PRPF4: variants seen among roughly 807,000 people sequenced by gnomAD.
PRPF4 encodes U4/U6 small nuclear ribonucleoprotein Prp4.
Under a neutral mutation model 72.2 loss-of-function variants are expected in PRPF4, and 14 were observed. The observed-to-expected ratio is 0.19, with a 90% CI of 0.13 to 0.30. PRPF4 has a LOEUF of 0.30. Ranked by LOEUF, PRPF4 falls within the 10% of genes least tolerant of loss-of-function variation. The pLI is 1.00. For synonymous variants in PRPF4, 225 were observed against 232.2 expected (o/e 0.97, Z 0.28); for missense variants, 478 against 653.9 (o/e 0.73, Z 2.93).
In PRPF4 at chr9:113,291,577, A is replaced by G. The variant is rs1832609549; in HGVS notation, c.1483A>G (p.Met495Val). The G allele has an allele frequency of 6.2e-7, 1 of 1,614,018 alleles. No homozygotes were observed. Among genetic ancestry groups the G allele is most frequent in the East Asian group, 2.2e-5 (1 of 44,876 alleles). The change falls in exon 14 of 14, where the codon ATG becomes GTG. Residue 495 changes from methionine (M) to valine (V), a missense_variant. Transcript: ENST00000374198. ...KTLAGHEGKV[M>V]GLDISSDGQL... The stretch of plus-strand genomic sequence containing the variant: ...TCTGGCTGGCCACGAAGGCAAAGTG[A>G]TGGGCCTAGATATTTCTTCCGATGG...
intron 7 of PRPF4, 103 bp downstream of exon 7, chr9:113,284,492 G>C (rs1832377750): frequency 1.1e-6 from 1 of 943,860 alleles, no homozygotes; most frequent in Non-Finnish European, 1.7e-6. Flanking sequence ...CTCTTTCTCT[G>C]CTTCTCATGA....
Position 113,290,176 on chromosome 9 carries a change from C to T in PRPF4, c.1023-290C>T, listed in dbSNP as rs142786724. Among the ~76,000 whole-genome samples, 131 of 151,722 alleles carry T rather than the reference C, an allele frequency of 8.6e-4. 2 individuals are homozygous for T. The East Asian group carries it at 0.018, about 21-fold the overall frequency. Reference sequence around the variant, plus strand: ...TGGAGGTTGCAGTGAGCCAAGATTGCGCCACTGTGCTCCAGGCTGGGCAAC... The same window carrying T: ...TGGAGGTTGCAGTGAGCCAAGATTGTGCCACTGTGCTCCAGGCTGGGCAAC... On this transcript the variant is annotated intron_variant, in intron 10 of 13. Coordinates refer to ENST00000374198, the MANE Select transcript of PRPF4 (RefSeq NM_001244926.2).
At chr9:113,288,460 G>T in intron 10 of PRPF4, among the ~76,000 whole-genome samples, 196 bp downstream of exon 10, 1 of 149,234 alleles carries the variant, frequency 6.7e-6, no homozygotes, top group African/African-American at 2.5e-5. Flanking sequence ...TTTTTGAGGT[G>T]GAGTCTCACT....
At chr9:113,284,661 A>G (rs1439255622) in intron 7 of PRPF4, among the ~76,000 whole-genome samples, 1 of 152,210 alleles carries the variant, frequency 6.6e-6, no homozygotes, top group Non-Finnish European at 1.5e-5. Context: ...CAGGTCCTGT[A>G]GTGAGTTTAT....
chr9:113,291,864 AAAATTTAT>A lies in PRPF4; in HGVS notation c.*205_*212del. ...TGATGGGGAACCCCTCTCACGGTTG[AAAATTTAT>A]TACCTTTTTACGCCCTGCCACGAAC... is the stretch of plus-strand genomic sequence containing the variant. On this transcript the variant is annotated 3_prime_UTR_variant, in exon 14 of 14. Coordinates refer to ENST00000374198, the MANE Select transcript of PRPF4 (RefSeq NM_001244926.2). 1.8e-6 allele frequency: 1 copy of A among 544,988 alleles called. No homozygotes were observed. Among genetic ancestry groups the A allele is most frequent in the Non-Finnish European group, 3.2e-6 (1 of 308,874 alleles). The allele number at this position is 544,988 out of a possible 1,614,324, so 33.8% of individuals were successfully genotyped here.
Position 113,291,698 on chromosome 9 carries a change from C to CT in PRPF4, c.*39dup. 6.3e-7 allele frequency: 1 copy of CT among 1,589,422 alleles called. No individual in the cohort carries two copies. Among genetic ancestry groups the CT allele is most frequent in the Non-Finnish European group, 8.6e-7 (1 of 1,160,224 alleles). On this transcript the variant is annotated 3_prime_UTR_variant, in exon 14 of 14. Transcript: ENST00000374198. Reference sequence around the variant, plus strand: ...AAAGGACTTGAACCTCAAGCTCTCTCTAAGGAGCTGTTTTCCTCAAACGAG... The same window carrying CT: ...AAAGGACTTGAACCTCAAGCTCTCTCTTAAGGAGCTGTTTTCCTCAAACGAG...
intron 2 of PRPF4, among the ~76,000 whole-genome samples, chr9:113,276,941 A>G (rs1418932284): frequency 6.6e-6 from 1 of 151,700 alleles, no homozygotes. Flanking sequence ...CAGCCTCCCG[A>G]GTAGCTGGGA....
intron 11 of PRPF4, 52 bp from the exon 12 acceptor site, chr9:113,290,648 G>C: frequency 6.2e-7 from 1 of 1,614,074 alleles, no homozygotes; most frequent in South Asian, 1.1e-5. Flanking sequence ...ACCTATACCT[G>C]CTTCCACAGA....
rs777922336 is a variant in PRPF4 at position 113,291,507 on chromosome 9, C to T, written c.1413C>T (p.Asn471=). The change falls in exon 14 of 14, where the codon AAC becomes AAT. Residue 471 remains asparagine, a synonymous_variant. Transcript: ENST00000374198. ...GNFLLTGAYD[N]TAKIWTHPGW... The stretch of plus-strand genomic sequence containing the variant: ...TCTTGCTTACTGGTGCCTATGATAA[C>T]ACAGCCAAGATCTGGACGCACCCAG... The T allele has an allele frequency of 4.3e-6, 7 of 1,614,002 alleles. No homozygotes were observed. Among genetic ancestry groups the T allele is most frequent in the Non-Finnish European group, 5.9e-6 (7 of 1,180,020 alleles).
intron 7 of PRPF4, 56 bp downstream of exon 7, chr9:113,284,445 A>G (rs1307074632): frequency 3.5e-6 from 5 of 1,436,346 alleles, no homozygotes; most frequent in Non-Finnish European, 2.0e-6. Context: ...GCTCAGGAAG[A>G]AAATTAGCAT....
Position 113,282,625 on chromosome 9 carries a change from CTTTT to C in PRPF4, c.393-9_393-6del. 8 of 1,256,776 alleles carry C rather than the reference CTTTT, an allele frequency of 6.4e-6. No individual in the cohort carries two copies. Among genetic ancestry groups the C allele is most frequent in the African/African-American group, 1.6e-5 (1 of 64,376 alleles). 77.9% of individuals were successfully genotyped at this position (1,256,776 alleles called of 1,614,324 possible). ...ATCTCAACCATGTTTAAATTCTGAT[CTTTT>C]TTTTTTTTTTTAACAGGTTAAGAAA... On this transcript the variant is annotated splice_polypyrimidine_tract_variant and intron_variant, in intron 3 of 13. Transcript: ENST00000374198.
intron 3 of PRPF4, 21 bp from the exon 4 acceptor site, chr9:113,282,625 C>CTTTTT: frequency 7.2e-6 from 9 of 1,257,008 alleles, no homozygotes; most frequent in South Asian, 2.7e-5. Flanking sequence ...AAATTCTGAT[C>CTTTTT]TTTTTTTTTT....
In PRPF4 at chr9:113,275,686, G is replaced by T. The variant is rs1489866789; in HGVS notation, c.-58G>T. On this transcript the variant is annotated 5_prime_UTR_variant, in exon 1 of 14. Coordinates refer to ENST00000374198, the MANE Select transcript of PRPF4 (RefSeq NM_001244926.2). The stretch of plus-strand genomic sequence containing the variant: ...CTTCCCCTCTGCTGGGCGCGCGGTG[G>T]ACGGTCTGAAAGGGAGTGTTCGGGT... The T allele has an allele frequency of 5.7e-6, 9 of 1,575,168 alleles. No homozygotes were observed. The highest frequency in any genetic ancestry group is 7.8e-6 in the Non-Finnish European group (9 of 1,160,362).
chr9:113,286,930 G>C (rs550469458), intron 9 of PRPF4, 102 bp downstream of exon 9: 161 of 1,536,416 alleles, frequency 1.0e-4, no homozygotes, highest in Non-Finnish European at 1.3e-4. Flanking sequence ...TAGGCCATGC[G>C]CAGTGGCTCA....
At chr9:113,287,414 A>G (rs1306774664) in intron 9 of PRPF4, among the ~76,000 whole-genome samples, 4 of 152,168 alleles carry the variant, frequency 2.6e-5, no homozygotes, top group African/African-American at 9.7e-5. Flanking sequence ...TCGCAATAGC[A>G]TCATCCTTTA....
At chr9:113,287,484 C>CA (rs879367982) in intron 9 of PRPF4, among the ~76,000 whole-genome samples, 474 of 134,958 alleles carry the variant, frequency 3.5e-3, no homozygotes, top group Middle Eastern at 3.6e-3. Flanking sequence ...GATTGTTTTC[C>CA]AAAAAAAAAA....
intron 3 of PRPF4, among the ~76,000 whole-genome samples, chr9:113,282,311 G>A (rs1190256871): frequency 6.6e-6 from 1 of 152,022 alleles, no homozygotes; most frequent in Non-Finnish European, 1.5e-5. Context: ...TCTCTCTACA[G>A]AAAAATTTAA....
rs747548672 is a variant in PRPF4, at chr9:113,291,473, A to G, written c.1379A>G (p.His460Arg). ...LVTGVKFEPIHGNFLLTGAYD... is the reference protein window; with the variant it reads ...LVTGVKFEPIRGNFLLTGAYD... Reference sequence around the variant, plus strand: ...CCCTTCTCTTCTCCTGTAGCTATCCATGGGAACTTCTTGCTTACTGGTGCC... The same window carrying G: ...CCCTTCTCTTCTCCTGTAGCTATCCGTGGGAACTTCTTGCTTACTGGTGCC... The change falls in exon 14 of 14, where the codon CAT (histidine) becomes CGT (arginine). Residue 460 changes from histidine to arginine, a missense_variant. His to Arg is a conservative substitution (Grantham distance 29). Coordinates refer to ENST00000374198, the MANE Select transcript of PRPF4 (RefSeq NM_001244926.2). 5.6e-6 allele frequency: 9 copies of G among 1,612,544 alleles called. No individual in the cohort carries two copies. The highest frequency in any genetic ancestry group is 2.7e-5 in the African/African-American group (2 of 74,890).
rs1043091374 is a variant in PRPF4 at position 113,291,485 on chromosome 9, T to G, written c.1391T>G (p.Leu464Trp). The G allele has an allele frequency of 8.1e-6, 13 of 1,613,762 alleles. No individual in the cohort carries two copies. Among genetic ancestry groups the G allele is most frequent in the Non-Finnish European group, 1.1e-5 (13 of 1,179,658 alleles). Residue 464 changes from leucine (L) to tryptophan (W), a missense_variant, in exon 14 of 14, where the codon TTG (leucine) becomes TGG (tryptophan). Coordinates refer to ENST00000374198, the MANE Select transcript of PRPF4 (RefSeq NM_001244926.2). ...VKFEPIHGNF[L>W]LTGAYDNTAK... ...CCTGTAGCTATCCATGGGAACTTCTTGCTTACTGGTGCCTATGATAACACA... is the reference window on the plus strand; with the variant it reads ...CCTGTAGCTATCCATGGGAACTTCTGGCTTACTGGTGCCTATGATAACACA...
Sources: allele counts gnomAD v4.1 joint callset (sites outside exome capture counted in the v4.1 genomes callset), GRCh38; gene constraint gnomAD v4.1.1; transcripts MANE v1.5; gene names NCBI Gene and HGNC (gene_info 2026-07-23, HGNC 2026-07-21).